The following RBFOX1 variants were observed in gnomAD, a reference collection of about 807,000 sequenced individuals.
RBFOX1 encodes RNA binding fox-1 homolog 1, also known as RNA binding protein fox-1 homolog 1.
In RBFOX1, 8 loss-of-function variants were observed where a neutral mutation model predicts 57.7. The ratio of observed to expected loss-of-function variants is 0.14; its 90% CI spans 0.08 to 0.25. The LOEUF (loss-of-function observed/expected upper bound fraction) is 0.25, where lower values mean the gene tolerates loss of function less well. Among genes scored for constraint, RBFOX1 ranks in the 10% least tolerant of loss-of-function variants. The pLI, the probability that RBFOX1 is intolerant of heterozygous loss-of-function variation, is 1.00. For synonymous variants in RBFOX1, 326 were observed against 222.4 expected (o/e 1.47, Z -4.15); for missense variants, 611 against 548.5 (o/e 1.11, Z -1.14).
chr16:5,424,308 C>G (rs1387917515), intron 1 of RBFOX1, among the ~76,000 whole-genome samples: 18 of 152,218 alleles, frequency 1.2e-4, no homozygotes, highest in Admixed American at 1.2e-3. Flanking sequence ...GCAGGTTTCA[C>G]TGATTCAGAG....
chr16:7,703,036 A>G (rs73498752), intron 14 of RBFOX1, among the ~76,000 whole-genome samples: 271 of 152,332 alleles, frequency 1.8e-3, no homozygotes, highest in African/African-American at 6.0e-3. Context: ...ATTTGACCCT[A>G]TACAGGGAAG....
chr16:6,574,971 G>A (rs181831032), intron 2 of RBFOX1, among the ~76,000 whole-genome samples: 2,589 of 151,556 alleles, frequency 0.017, 25 homozygotes, highest in Middle Eastern at 0.038. Flanking sequence ...CTGGGAGGCG[G>A]AGCTTGCAGT....
chr16:5,652,277 A>G (rs2049266607), intron 3 of RBFOX1, among the ~76,000 whole-genome samples: 1 of 152,214 alleles, frequency 6.6e-6, no homozygotes, highest in Non-Finnish European at 1.5e-5. Context: ...CTTATAGGGT[A>G]GCTGCTATCA....
At chr16:7,007,558 G>C (rs1251295553) in intron 3 of RBFOX1, among the ~76,000 whole-genome samples, 3 of 152,086 alleles carry the variant, frequency 2.0e-5, no homozygotes, top group Admixed American at 6.6e-5. Context: ...GCATAAATTT[G>C]CCTACTGTAC....
intron 3 of RBFOX1, among the ~76,000 whole-genome samples, chr16:5,710,553 C>T (rs2051447688): frequency 6.6e-6 from 1 of 152,196 alleles, no homozygotes; most frequent in African/African-American, 2.4e-5. Flanking sequence ...CTCAAGGCAG[C>T]TTCCCAATTA....
At chr16:6,395,575 A>G (rs1331945189) in intron 2 of RBFOX1, among the ~76,000 whole-genome samples, 6 of 151,518 alleles carry the variant, frequency 4.0e-5, no homozygotes, top group Non-Finnish European at 5.9e-5. Flanking sequence ...GTGAAAAAAC[A>G]TATAATTATA....
chr16:6,426,064 G>GTC (rs113507231), intron 2 of RBFOX1, among the ~76,000 whole-genome samples: 5,628 of 146,786 alleles, frequency 0.038, 372 homozygotes, highest in African/African-American at 0.14. Flanking sequence ...CTGTTTCTCT[G>GTC]TCTCTCTGTC....
At chr16:7,661,628 CT>C (rs1475750952) in intron 12 of RBFOX1, among the ~76,000 whole-genome samples, 1 of 152,214 alleles carries the variant, frequency 6.6e-6, no homozygotes, top group African/African-American at 2.4e-5. Flanking sequence ...TAATTTGTGA[CT>C]GTGTGTCCCA....
intron 7 of RBFOX1, among the ~76,000 whole-genome samples, chr16:7,594,971 C>A (rs1025102134): frequency 1.3e-5 from 2 of 152,072 alleles, no homozygotes; most frequent in Non-Finnish European, 2.9e-5. Flanking sequence ...TAAAAAAGGT[C>A]TTTCCTTTTT....
At chr16:5,261,873 C>G (rs539011367) in intron 1 of RBFOX1, among the ~76,000 whole-genome samples, 1 of 152,206 alleles carries the variant, frequency 6.6e-6, no homozygotes, top group Admixed American at 6.5e-5. Flanking sequence ...TTTGTAGTAA[C>G]CCCCTTTCCC....
intron 4 of RBFOX1, among the ~76,000 whole-genome samples, chr16:7,484,739 C>G (rs1210599005): frequency 6.6e-6 from 1 of 152,202 alleles, no homozygotes; most frequent in South Asian, 2.1e-4. Flanking sequence ...TCTGGGATGA[C>G]AGGCATAAGC....
chr16:6,246,835 G>A (rs1412043897), intron 1 of RBFOX1, among the ~76,000 whole-genome samples: 1 of 152,174 alleles, frequency 6.6e-6, no homozygotes, highest in Admixed American at 6.5e-5. Context: ...TTAGATGGCT[G>A]AGGCGGGCGG....
At chr16:5,642,846 G>A (rs918446948) in intron 3 of RBFOX1, among the ~76,000 whole-genome samples, 1 of 152,164 alleles carries the variant, frequency 6.6e-6, no homozygotes, top group Admixed American at 6.5e-5. Flanking sequence ...GCAAGGTGCT[G>A]CCTGATGACT....
At chr16:5,388,036 A>C (rs1473742544) in intron 1 of RBFOX1, among the ~76,000 whole-genome samples, 5 of 152,156 alleles carry the variant, frequency 3.3e-5, no homozygotes. Flanking sequence ...TGAAGAAGAA[A>C]ATGAATAATC....
At chr16:5,359,870 G>A (rs2065494822) in intron 1 of RBFOX1, among the ~76,000 whole-genome samples, 1 of 152,172 alleles carries the variant, frequency 6.6e-6, no homozygotes, top group African/African-American at 2.4e-5. Context: ...CTCATAAAAT[G>A]GGGATGCTGA....
chr16:5,963,015 G>A (rs1456516152), intron 4 of RBFOX1, among the ~76,000 whole-genome samples: 1 of 152,072 alleles, frequency 6.6e-6, no homozygotes, highest in Non-Finnish European at 1.5e-5. Context: ...TAATAAGATA[G>A]AATGGCATTT....
chr16:7,274,306 C>G (rs149805641), intron 4 of RBFOX1, among the ~76,000 whole-genome samples: 1 of 152,312 alleles, frequency 6.6e-6, no homozygotes, highest in East Asian at 1.9e-4. Flanking sequence ...AGGAGGTACG[C>G]TTTGTTATCC....
chr16:5,999,273 G>A (rs1260197951), intron 4 of RBFOX1, among the ~76,000 whole-genome samples: 3 of 152,050 alleles, frequency 2.0e-5, no homozygotes, highest in Non-Finnish European at 4.4e-5. Context: ...TTTTCTGACT[G>A]CCTAGAATTC....
Position 7,232,934 on chromosome 16 carries a change from T to G in RBFOX1, c.27+180836T>G, listed in dbSNP as rs1448800807. On this transcript the variant is annotated intron_variant, in intron 4 of 15. Transcript: ENST00000550418. ...TGATGTTAGCAAACCCTGTCAAATT[T>G]GTATTCCCATATTTCTCAAAACTTG... Among the ~76,000 whole-genome samples the G allele has an allele frequency of 4.6e-5, 7 of 152,156 alleles. 1 individual carries two copies. In the South Asian group the frequency reaches 1.0e-3, roughly 23 times the overall value.
Sources: gnomAD v4.1 joint callset for allele counts (sites outside exome capture counted in the v4.1 genomes callset) on GRCh38, gnomAD v4.1.1 for gene constraint, MANE v1.5 for transcripts, NCBI Gene and HGNC (gene_info 2026-07-23, HGNC 2026-07-21) for gene names.